ZNF536: variants seen among roughly 807,000 people sequenced by gnomAD.
ZNF536 encodes zinc finger protein 536.
In ZNF536, 13 loss-of-function variants were observed where a neutral mutation model predicts 84.5. The observed-to-expected ratio is 0.15, with a 90% CI of 0.10 to 0.24. The LOEUF is 0.24. Among genes scored for constraint, ZNF536 ranks in the 10% least tolerant of loss-of-function variants. The pLI is 1.00. For missense variants in ZNF536, 1,536 were observed against 1,747.5 expected (o/e 0.88, Z 2.16); for synonymous variants, 811 against 742.5 (o/e 1.09, Z -1.50).
intron 1 of ZNF536, among the ~76,000 whole-genome samples, chr19:30,429,784 A>G (rs543799717): frequency 6.6e-6 from 1 of 152,324 alleles, no homozygotes; most frequent in Non-Finnish European, 1.5e-5. Context: ...ATGAATGAGT[A>G]TTTGCATGAG....
At position 30,664,204 on chromosome 19, in the gene ZNF536, TTCTCTCTCTCTCTCTCTCTCTCTC is replaced by T. The variant is rs71173915; in HGVS notation, c.170-46518_170-46495del. Among the ~76,000 whole-genome samples, 266 of 90,742 alleles carry T rather than the reference TTCTCTCTCTCTCTCTCTCTCTCTC, an allele frequency of 2.9e-3. 1 individual carries two copies. Among genetic ancestry groups the T allele is most frequent in the African/African-American group, 5.7e-3 (106 of 18,728 alleles). 59.5% of individuals were successfully genotyped at this position (90,742 alleles called of 152,430 possible). ...TATCTAGAGGAATTCTTGCTGAGTT[TTCTCTCTCTCTCTCTCTCTCTCTC>T]TCTCTCTCTCTCTCTCTCTCTCTCT... On this transcript the variant is annotated intron_variant, in intron 1 of 1. Coordinates refer to the ZNF536 transcript ENST00000592773.
chr19:30,303,201 C>T (rs1423807900), intron 2 of ZNF536, among the ~76,000 whole-genome samples: 1 of 152,192 alleles, frequency 6.6e-6, no homozygotes. Flanking sequence ...GAGCACACCA[C>T]CTTGTGTCTC....
At chr19:30,606,799 T>G (rs1312079152) in intron 1 of ZNF536, among the ~76,000 whole-genome samples, 1 of 152,112 alleles carries the variant, frequency 6.6e-6, no homozygotes, top group East Asian at 1.9e-4. Flanking sequence ...CTGAGAACGT[T>G]GCAGCTCAGC....
rs1250310838 is a variant in ZNF536 at position 30,297,926 on chromosome 19, G to C, written c.-120+13785G>C. ...AGTCCCCCCCCCCTCTGTCGCCCAG[G>C]CTGGAGTGCAGTGGTGCGATCTTGG... On this transcript the variant is annotated intron_variant, in intron 2 of 5. Transcript: ENST00000585628. 2.8e-5 allele frequency among the ~76,000 whole-genome samples: 4 copies of C among 142,920 alleles called. No individual in the cohort carries two copies. The Admixed American group carries it at 2.8e-4, about 10-fold the overall frequency. 93.8% of individuals were successfully genotyped at this position (142,920 alleles called of 152,430 possible).
chr19:30,451,843 C>A (rs561554445), intron 2 of ZNF536, among the ~76,000 whole-genome samples: 2 of 152,214 alleles, frequency 1.3e-5, no homozygotes, highest in African/African-American at 4.8e-5. Context: ...TGCATGTTAG[C>A]GCAAGGGACG....
chr19:30,645,742 C>T (rs1027618759), intron 1 of ZNF536, among the ~76,000 whole-genome samples: 5 of 152,216 alleles, frequency 3.3e-5, no homozygotes, highest in African/African-American at 1.2e-4. Flanking sequence ...TGAAGCCCCA[C>T]AGATGAGGGC....
intron 1 of ZNF536, among the ~76,000 whole-genome samples, chr19:30,235,621 T>C (rs898309745): frequency 1.3e-5 from 2 of 152,242 alleles, no homozygotes; most frequent in Non-Finnish European, 2.9e-5. Flanking sequence ...TAGAAACACT[T>C]ATCCCTTATT....
At chr19:30,654,101 C>T (rs1416020676) in intron 1 of ZNF536, among the ~76,000 whole-genome samples, 1 of 152,180 alleles carries the variant, frequency 6.6e-6, no homozygotes, top group Non-Finnish European at 1.5e-5. Flanking sequence ...ATCCTCCCCT[C>T]CCTGTCGCCG....
intron 2 of ZNF536, among the ~76,000 whole-genome samples, chr19:30,480,047 TC>T (rs1288422889): frequency 6.6e-6 from 1 of 152,202 alleles, no homozygotes; most frequent in African/African-American, 2.4e-5. Flanking sequence ...CTGAAGTCAG[TC>T]TCAGGATCGA....
At chr19:30,347,730 G>A (rs554021873) in intron 2 of ZNF536, among the ~76,000 whole-genome samples, 11 of 152,282 alleles carry the variant, frequency 7.2e-5, no homozygotes, top group Non-Finnish European at 1.3e-4. Flanking sequence ...CACCCAGAAC[G>A]AATCCTCCCC....
intron 2 of ZNF536, among the ~76,000 whole-genome samples, chr19:30,507,235 G>A (rs1011007796): frequency 2.0e-5 from 3 of 152,142 alleles, no homozygotes; most frequent in African/African-American, 7.2e-5. Flanking sequence ...GGTGATGCAT[G>A]CCTGTAATCC....
rs185430475 is a variant in ZNF536, at chr19:30,357,607, C to G, written c.-3+5123C>G. ...GGATGAGCTGGTGATTTGTCCAAAG[C>G]TGGGAATTAGGGATTTCAGGCTCTT... On this transcript the variant is annotated intron_variant, in intron 3 of 5. Coordinates refer to the ZNF536 transcript ENST00000585628. Among the ~76,000 whole-genome samples the G allele has an allele frequency of 3.4e-3, 525 of 152,194 alleles. 2 individuals are homozygous for G. The highest frequency in any genetic ancestry group is 0.012 in the African/African-American group (484 of 41,526).
chr19:30,484,390 C>CTTTTTTTTTTTTTTTTT (rs375461433), intron 2 of ZNF536, among the ~76,000 whole-genome samples: 1 of 117,446 alleles, frequency 8.5e-6, no homozygotes, highest in African/African-American at 3.6e-5. Flanking sequence ...TCATGCCCAG[C>CTTTTTTTTTTTTTTTTT]TTTTTTTTTT....
At chr19:30,373,182 C>T (rs139991269) in intron 1 of ZNF536, among the ~76,000 whole-genome samples, 19 of 152,284 alleles carry the variant, frequency 1.2e-4, no homozygotes, top group African/African-American at 4.6e-4. Flanking sequence ...GTTAATAGCA[C>T]TTGTGCTTTT....
chr19:30,418,563 A>C (rs1488704846), intron 1 of ZNF536, among the ~76,000 whole-genome samples: 2 of 152,180 alleles, frequency 1.3e-5, no homozygotes, highest in African/African-American at 2.4e-5. Context: ...TAGCATCTTT[A>C]CTCACTTCAA....
intron 1 of ZNF536, among the ~76,000 whole-genome samples, chr19:30,379,420 C>G (rs2048936876): frequency 6.6e-6 from 1 of 152,058 alleles, no homozygotes; most frequent in Admixed American, 6.5e-5. Context: ...TGGCTGATGT[C>G]TTCTCCACTG....
intron 2 of ZNF536, among the ~76,000 whole-genome samples, chr19:30,509,474 T>G (rs1568498680): frequency 1.3e-5 from 2 of 148,274 alleles, no homozygotes; most frequent in East Asian, 3.9e-4. Flanking sequence ...TCTGTATAAT[T>G]TATGTATAAT....
intron 1 of ZNF536, among the ~76,000 whole-genome samples, chr19:30,660,032 C>A (rs115588899): frequency 6.6e-6 from 1 of 151,934 alleles, no homozygotes; most frequent in Non-Finnish European, 1.5e-5. Context: ...CATAAAGCCC[C>A]ATCTATACCT....
chr19:30,434,076 A>C (rs1449043866), intron 1 of ZNF536, among the ~76,000 whole-genome samples: 1 of 152,070 alleles, frequency 6.6e-6, no homozygotes, highest in South Asian at 2.1e-4. Flanking sequence ...CCAAGGTCAC[A>C]CCGATTCTAG....
Sources: allele counts gnomAD v4.1 joint callset (sites outside exome capture counted in the v4.1 genomes callset), GRCh38; gene constraint gnomAD v4.1.1; transcripts MANE v1.5; gene names NCBI Gene and HGNC (gene_info 2026-07-23, HGNC 2026-07-21).